Variants in PRKDC observed in about 807,000 individuals in gnomAD.
PRKDC encodes DNA-dependent protein kinase catalytic subunit.
PRKDC carries 82 observed loss-of-function variants against 486.9 expected under a neutral mutation model. The observed-to-expected ratio is 0.17, with a 90% confidence interval of 0.14 to 0.20. The LOEUF is 0.20. PRKDC is among the 10% of genes least tolerant of loss of function. The pLI is 1.00. For missense variants in PRKDC, 4,504 were observed against 5,038.2 expected (o/e 0.89, Z 3.21); for synonymous variants, 1,895 against 1,837.0 (o/e 1.03, Z -0.81).
In PRKDC at chr8:47,828,054, C is replaced by T. The variant is rs2087776277; in HGVS notation, c.8577+114G>A. ...GGTAACCCAAATAGTACATCTTACT[C>T]TGTTAAACACCAGGTTATCAAGAGT... On this transcript the variant is annotated intron_variant, in intron 62 of 85. Coordinates refer to ENST00000314191, the MANE Select transcript of PRKDC (RefSeq NM_006904.7). The T allele has an allele frequency of 2.9e-6, 3 of 1,021,032 alleles. No individual in the cohort carries two copies. In the South Asian group the frequency reaches 6.0e-5, roughly 21 times the overall value. 63.2% of individuals were successfully genotyped at this position (1,021,032 alleles called of 1,614,324 possible).
intron 21 of PRKDC, among the ~76,000 whole-genome samples, chr8:47,924,554 T>A (rs972489492): frequency 6.6e-6 from 1 of 151,824 alleles, no homozygotes; most frequent in Non-Finnish European, 1.5e-5. Context: ...AGTGAGACTC[T>A]GTCTCAAAAT....
intron 50 of PRKDC, among the ~76,000 whole-genome samples, chr8:47,854,551 A>G (rs2088489797): frequency 6.6e-6 from 1 of 152,108 alleles, no homozygotes; most frequent in African/African-American, 2.4e-5. Flanking sequence ...TGTGTTAGCC[A>G]GGATGGTCTC....
intron 38 of PRKDC, among the ~76,000 whole-genome samples, chr8:47,880,718 C>T (rs2089195298): frequency 6.6e-6 from 1 of 152,020 alleles, no homozygotes; most frequent in African/African-American, 2.4e-5. Flanking sequence ...TATGCAAACA[C>T]AAATGTTAAT....
Position 47,819,516 on chromosome 8 carries a change from A to AG in PRKDC, c.9337-7_9337-6insC. 1 of 1,238,438 alleles carries AG rather than the reference A, an allele frequency of 8.1e-7. No homozygotes were observed. The highest frequency in any genetic ancestry group is 1.1e-6 in the Non-Finnish European group (1 of 920,604). The allele number at this position is 1,238,438 out of a possible 1,614,324, so 76.7% of individuals were successfully genotyped here. A position where few individuals can be genotyped will look rare whatever the true frequency, so the allele number is the denominator to read the frequency against. Reference sequence around the variant, plus strand: ...ACATCAATACTAGAATAATTCTTAAAAAAAAAAAAAAAAAAAAAGGGCATT... The same window carrying AG: ...ACATCAATACTAGAATAATTCTTAAAGAAAAAAAAAAAAAAAAAAGGGCATT... On this transcript the variant is annotated splice_region_variant and splice_polypyrimidine_tract_variant and intron_variant, in intron 66 of 85. Coordinates refer to ENST00000314191, the MANE Select transcript of PRKDC (RefSeq NM_006904.7).
chr8:47,941,225 C>T (rs2090440176), intron 10 of PRKDC, among the ~76,000 whole-genome samples: 1 of 151,866 alleles, frequency 6.6e-6, no homozygotes, highest in Non-Finnish European at 1.5e-5. Flanking sequence ...GAAAAAAGGC[C>T]AAAAAATTAT....
intron 7 of PRKDC, among the ~76,000 whole-genome samples, chr8:47,947,581 G>A (rs188387940): frequency 2.0e-4 from 31 of 152,174 alleles, no homozygotes; most frequent in Admixed American, 2.0e-4. Context: ...AAGCCTGACC[G>A]ACATGGTGAA....
At position 47,893,185 on chromosome 8, in the gene PRKDC, G is replaced by A. The variant is rs1233814201; in HGVS notation, c.3801C>T (p.Tyr1267=). 1.2e-6 allele frequency: 2 copies of A among 1,613,212 alleles called. No homozygotes were observed. Among genetic ancestry groups the A allele is most frequent in the African/African-American group, 1.3e-5 (1 of 74,914 alleles). Residue 1267 remains tyrosine (Y), a synonymous_variant, in exon 31 of 86, where the codon TAC becomes TAT. Transcript: ENST00000314191. Reference sequence around the variant, plus strand: ...CAGTTCTCTCGCCAATGAACGTGTTGTAGCACTCCAACGCGGCCAGGAGCA... The same window carrying A: ...CAGTTCTCTCGCCAATGAACGTGTTATAGCACTCCAACGCGGCCAGGAGCA... The part of the protein sequence containing the change: ...LDLLLAALEC[Y]NTFIGERTVG...
chr8:47,803,519 G>A (rs370369386), intron 69 of PRKDC, 39 bp from the exon 70 acceptor site: 1 of 1,598,138 alleles, frequency 6.3e-7, no homozygotes, highest in Non-Finnish European at 8.6e-7. Flanking sequence ...GTGGTATGAT[G>A]ATACACAAGT....
At chr8:47,797,692 G>T (rs1456388009) in intron 73 of PRKDC, among the ~76,000 whole-genome samples, 1 of 152,234 alleles carries the variant, frequency 6.6e-6, no homozygotes, top group Non-Finnish European at 1.5e-5. Context: ...CAAAGGACAG[G>T]AGTGCAGCTG....
chr8:47,862,672 A>C, intron 42 of PRKDC, 131 bp from the exon 43 acceptor site: 3 of 780,656 alleles, frequency 3.8e-6, no homozygotes, highest in Non-Finnish European at 5.8e-6. Flanking sequence ...CAGGCAGAGT[A>C]TTAGGCACTG....
intron 36 of PRKDC, among the ~76,000 whole-genome samples, 154 bp downstream of exon 36, chr8:47,885,790 G>A (rs1425742555): frequency 6.6e-6 from 1 of 152,132 alleles, no homozygotes; most frequent in Admixed American, 6.5e-5. Flanking sequence ...TACTCGGGAG[G>A]CTGAGGCAGG....
At chr8:47,909,291 T>A (rs1046855221) in intron 25 of PRKDC, among the ~76,000 whole-genome samples, 20 of 152,352 alleles carry the variant, frequency 1.3e-4, no homozygotes, top group African/African-American at 4.8e-4. Flanking sequence ...AATACTTTTA[T>A]AATTTCTTAC....
chr8:47,906,760 GTTA>G, intron 25 of PRKDC, among the ~76,000 whole-genome samples: 1 of 151,516 alleles, frequency 6.6e-6, no homozygotes, highest in Admixed American at 6.9e-5. Flanking sequence ...ATTCCCCACG[GTTA>G]TTGAGCTCAA....
intron 41 of PRKDC, 39 bp downstream of exon 41, chr8:47,864,517 G>A (rs1393294171): frequency 1.3e-6 from 2 of 1,544,302 alleles, no homozygotes; most frequent in Admixed American, 1.9e-5. Context: ...AGTCAAGTAG[G>A]CTGCTCACTT....
At chr8:47,857,378 T>A in intron 48 of PRKDC, 79 bp from the exon 49 acceptor site, 1 of 1,439,406 alleles carries the variant, frequency 6.9e-7, no homozygotes, top group South Asian at 1.5e-5. Context: ...GTATCTTCCA[T>A]CAGCTAAAAT....
intron 21 of PRKDC, among the ~76,000 whole-genome samples, chr8:47,921,019 C>T (rs2090061187): frequency 6.6e-6 from 1 of 151,966 alleles, no homozygotes; most frequent in South Asian, 2.1e-4. Context: ...TTTGGGAGGC[C>T]GAGGGGGGCG....
At position 47,825,504 on chromosome 8, in the gene PRKDC, C is replaced by CAAAAAAAA. The variant is rs397891351; in HGVS notation, c.8783+1144_8783+1151dup. ...AACTGGCGACAGAGCAAGACTGTCT[C>CAAAAAAAA]AAAAAAAAAAAAAAAAAAAAAAAAA... On this transcript the variant is annotated intron_variant, in intron 63 of 85. Transcript: ENST00000314191. 6.0e-3 allele frequency among the ~76,000 whole-genome samples: 61 copies of CAAAAAAAA among 10,250 alleles called. 10 individuals are homozygous for CAAAAAAAA. The highest frequency in any genetic ancestry group is 0.021 in the African/African-American group (58 of 2,768). The allele number at this position is 10,250 out of a possible 152,430, so 6.7% of individuals were successfully genotyped here.
At chr8:47,876,108 T>C (rs1370372936) in intron 40 of PRKDC, among the ~76,000 whole-genome samples, 5 of 152,158 alleles carry the variant, frequency 3.3e-5, no homozygotes, top group Non-Finnish European at 7.4e-5. Context: ...GGATCAGCAA[T>C]GGCAGTCAAC....
At chr8:47,865,816 G>A (rs1006937773) in intron 40 of PRKDC, among the ~76,000 whole-genome samples, 2 of 152,116 alleles carry the variant, frequency 1.3e-5, no homozygotes, top group Non-Finnish European at 2.9e-5. Context: ...CGGTGTGATT[G>A]TATTAGGAGG....
Sources: allele counts gnomAD v4.1 joint callset (sites outside exome capture counted in the v4.1 genomes callset), GRCh38; gene constraint gnomAD v4.1.1; transcripts MANE v1.5; gene names NCBI Gene and HGNC (gene_info 2026-07-23, HGNC 2026-07-21).